CELF4: variants seen among roughly 807,000 people sequenced by gnomAD.
CELF4 encodes CUG-BP- and ETR-3-like factor 4.
CELF4 carries 18 observed loss-of-function variants against 59.9 expected under a neutral mutation model. The ratio of observed to expected loss-of-function variants is 0.30; its 90% CI spans 0.21 to 0.45. The LOEUF is 0.45. CELF4 is among the 20% of genes least tolerant of loss of function. The probability of loss-of-function intolerance (pLI) is 1.00; values close to 1 mark genes in which losing one functional copy is unlikely to be tolerated. For missense variants in CELF4, 456 were observed against 689.0 expected (o/e 0.66, Z 3.79); for synonymous variants, 261 against 267.1 (o/e 0.98, Z 0.22).
chr18:37,491,290 T>G (rs1431167105), intron 1 of CELF4, among the ~76,000 whole-genome samples: 2 of 151,510 alleles, frequency 1.3e-5, no homozygotes, highest in East Asian at 3.9e-4. Context: ...CGTGCCCACC[T>G]CCTCTGGCCA....
chr18:37,339,875 G>C (rs1490176479), intron 2 of CELF4, among the ~76,000 whole-genome samples: 1 of 152,148 alleles, frequency 6.6e-6, no homozygotes, highest in African/African-American at 2.4e-5. Context: ...AAGGCAAGGG[G>C]AGAGGGTAGG....
At chr18:37,282,473 T>G (rs2094270641) in intron 3 of CELF4, among the ~76,000 whole-genome samples, 1 of 152,218 alleles carries the variant, frequency 6.6e-6, no homozygotes, top group African/African-American at 2.4e-5. Context: ...GCAACTCATC[T>G]GAATCTACAT....
At position 37,405,502 on chromosome 18, in the gene CELF4, C is replaced by A. The variant is rs918457519; in HGVS notation, c.369+80023G>T. On this transcript the variant is annotated intron_variant, in intron 2 of 12. Coordinates refer to ENST00000420428, the MANE Select transcript of CELF4 (RefSeq NM_020180.4). ...GGGCTCTGCCCCGGGATGCAGGAGA[C>A]TGAGAAGATTTAGAGAACTAGCAGA... Among the ~76,000 whole-genome samples the A allele has an allele frequency of 2.6e-5, 4 of 152,280 alleles. 1 individual carries two copies. The highest frequency in any genetic ancestry group is 2.6e-4 in the Admixed American group (4 of 15,294).
At chr18:37,280,245 C>A (rs137906868) in intron 3 of CELF4, among the ~76,000 whole-genome samples, 397 of 147,940 alleles carry the variant, frequency 2.7e-3, no homozygotes, top group Non-Finnish European at 4.4e-3. Context: ...TGCTTACAGC[C>A]ACCTCAGGAG....
At chr18:37,341,985 G>A (rs542952002) in intron 2 of CELF4, among the ~76,000 whole-genome samples, 31 of 152,148 alleles carry the variant, frequency 2.0e-4, no homozygotes, top group African/African-American at 7.2e-4. Context: ...TCTGTAAATG[G>A]ATGTCTGCAG....
chr18:37,523,387 T>C (rs1165077913), intron 1 of CELF4, among the ~76,000 whole-genome samples: 1 of 152,176 alleles, frequency 6.6e-6, no homozygotes, highest in Non-Finnish European at 1.5e-5. Context: ...GGGGTAGACA[T>C]GCCCAAGGAA....
chr18:37,533,412 G>T (rs556275264), intron 1 of CELF4, among the ~76,000 whole-genome samples: 1 of 152,242 alleles, frequency 6.6e-6, no homozygotes, highest in Non-Finnish European at 1.5e-5. Flanking sequence ...AACCTCCCCA[G>T]CAATTGGCCC....
chr18:37,565,576 C>A lies in CELF4; in HGVS notation c.66G>T (p.Gly22=). The change falls in exon 1 of 13, where the codon GGG becomes GGT. Residue 22 remains glycine, a synonymous_variant. Coordinates refer to ENST00000420428, the MANE Select transcript of CELF4 (RefSeq NM_020180.4). ...CGGCACTGCCCGGGCTGCTGCCGAG[C>A]CCGTTGGTACTGAGGCTTGCGTTGT... ...QADNASLSTN[G]LGSSPGSAGH... The A allele has an allele frequency of 1.2e-6, 2 of 1,614,002 alleles. No individual in the cohort carries two copies. The highest frequency in any genetic ancestry group is 1.7e-6 in the Non-Finnish European group (2 of 1,179,930).
intron 1 of CELF4, among the ~76,000 whole-genome samples, chr18:37,564,357 G>T (rs2099987492): frequency 6.6e-6 from 1 of 152,102 alleles, no homozygotes; most frequent in South Asian, 2.1e-4. Context: ...AACTGAACAC[G>T]TTTGGGGCTC....
intron 2 of CELF4, among the ~76,000 whole-genome samples, chr18:37,437,084 G>A (rs145333248): frequency 1.3e-5 from 2 of 152,208 alleles, no homozygotes; most frequent in Non-Finnish European, 2.9e-5. Context: ...AGCTGGCAGA[G>A]TGGCTGCATG....
chr18:37,543,074 C>A (rs938295139), intron 1 of CELF4, among the ~76,000 whole-genome samples: 1 of 152,308 alleles, frequency 6.6e-6, no homozygotes, highest in Middle Eastern at 3.4e-3. Flanking sequence ...AGCAACCCCT[C>A]AAATCTTCCC....
At chr18:37,329,485 C>T (rs771581628) in intron 2 of CELF4, among the ~76,000 whole-genome samples, 9 of 152,236 alleles carry the variant, frequency 5.9e-5, no homozygotes, top group Non-Finnish European at 1.0e-4. Flanking sequence ...GTGCCTGGGA[C>T]GTGCTAGGTA....
chr18:37,499,664 G>A (rs2099929255), intron 1 of CELF4, among the ~76,000 whole-genome samples: 1 of 152,232 alleles, frequency 6.6e-6, no homozygotes, highest in African/African-American at 2.4e-5. Flanking sequence ...CTGGCACAGG[G>A]CCTGGCATGG....
intron 2 of CELF4, among the ~76,000 whole-genome samples, chr18:37,460,226 T>G (rs1049608522): frequency 6.6e-6 from 1 of 152,134 alleles, no homozygotes; most frequent in African/African-American, 2.4e-5. Context: ...ATATGAAAAC[T>G]CAAGTCCAGA....
chr18:37,264,972 G>A (rs776425232), intron 9 of CELF4, among the ~76,000 whole-genome samples: 1 of 152,098 alleles, frequency 6.6e-6, no homozygotes, highest in Non-Finnish European at 1.5e-5. Context: ...GTGTACGTGT[G>A]TGTGTGCGTG....
At chr18:37,321,474 C>T (rs1163267888) in intron 3 of CELF4, among the ~76,000 whole-genome samples, 6 of 152,232 alleles carry the variant, frequency 3.9e-5, no homozygotes, top group South Asian at 4.1e-4. Flanking sequence ...AGCCCCATCA[C>T]GGTGGGGTTT....
intron 2 of CELF4, among the ~76,000 whole-genome samples, chr18:37,380,239 C>T (rs771170424): frequency 1.2e-4 from 19 of 152,172 alleles, no homozygotes; most frequent in Non-Finnish European, 2.4e-4. Flanking sequence ...TTGACAAGCA[C>T]CACTCCCCCA....
At chr18:37,337,745 G>T in intron 2 of CELF4, among the ~76,000 whole-genome samples, 1 of 152,208 alleles carries the variant, frequency 6.6e-6, no homozygotes, top group East Asian at 1.9e-4. Flanking sequence ...ACAGAAGCAT[G>T]CTCATGCTCA....
intron 2 of CELF4, among the ~76,000 whole-genome samples, chr18:37,429,940 C>T (rs1490360050): frequency 6.6e-6 from 1 of 152,210 alleles, no homozygotes; most frequent in Admixed American, 6.5e-5. Context: ...CCAATCCCTG[C>T]TCAGCTCCAA....
Sources: gnomAD v4.1 joint callset for allele counts (sites outside exome capture counted in the v4.1 genomes callset) on GRCh38, gnomAD v4.1.1 for gene constraint, MANE v1.5 for transcripts, NCBI Gene and HGNC (gene_info 2026-07-23, HGNC 2026-07-21) for gene names.